HOOK2: variants seen among roughly 807,000 people sequenced by gnomAD.
HOOK2 encodes protein Hook homolog 2.
Under a neutral mutation model 111.9 loss-of-function variants are expected in HOOK2, and 108 were observed. That is an observed-to-expected ratio of 0.96 (90% CI 0.83 to 1.13). The LOEUF (loss-of-function observed/expected upper bound fraction) is 1.13, where lower values mean the gene tolerates loss of function less well. Among genes scored for constraint, HOOK2 ranks in the 50% most tolerant of loss-of-function variants. The pLI is 0.00. For missense variants in HOOK2, 978 were observed against 951.3 expected (o/e 1.03, Z -0.37); for synonymous variants, 405 against 394.3 (o/e 1.03, Z -0.32).
chr19:12,792,180 G>A, intron 3 of HOOK2: 2 of 1,586,340 alleles, frequency 1.3e-6, no homozygotes, highest in East Asian at 2.3e-5. Context: ...GGGCTTCGCC[G>A]ACGGCTTTGT....
chr19:12,765,502 C>T (rs975801292), intron 18 of HOOK2, 188 bp downstream of exon 18: 3 of 752,528 alleles, frequency 4.0e-6, no homozygotes, highest in Non-Finnish European at 6.7e-6. Context: ...AATCCCAGCA[C>T]TTTGGGAGGC....
At chr19:12,788,735 G>A (rs999822523) in intron 3 of HOOK2, among the ~76,000 whole-genome samples, 1 of 152,200 alleles carries the variant, frequency 6.6e-6, no homozygotes, top group Non-Finnish European at 1.5e-5. Flanking sequence ...CCCCAACGCT[G>A]CCCGCTGCGC....
At position 12,763,792 on chromosome 19, in the gene HOOK2, AAGTCAT is replaced by A. The variant is rs1322740155; in HGVS notation, c.1828-20_1828-15del. The A allele has an allele frequency of 6.2e-7, 1 of 1,608,830 alleles. No homozygotes were observed. The highest frequency in any genetic ancestry group is 2.2e-5 in the East Asian group (1 of 44,850). Reference sequence around the variant, plus strand: ...GGTCTGCATGACCTACAGGTTGAGGAAGTCATAGCCAGGTGACTTTGGCCTTGAAAC... The same window carrying A: ...GGTCTGCATGACCTACAGGTTGAGGAAGCCAGGTGACTTTGGCCTTGAAAC... On this transcript the variant is annotated splice_polypyrimidine_tract_variant and intron_variant, in intron 20 of 22. Transcript: ENST00000397668.
intron 20 of HOOK2, among the ~76,000 whole-genome samples, 153 bp from the exon 21 acceptor site, chr19:12,763,931 A>G (rs1422748701): frequency 1.3e-5 from 2 of 152,182 alleles, no homozygotes; most frequent in Admixed American, 6.5e-5. Flanking sequence ...GCATCAAGCA[A>G]TTCTCCTGCC....
At chr19:12,764,758 G>A (rs1297165742) in intron 20 of HOOK2, 56 bp downstream of exon 20, 2 of 1,469,418 alleles carry the variant, frequency 1.4e-6, no homozygotes, top group East Asian at 2.3e-5. Context: ...TCAATAGGAG[G>A]CACAAAAAGT....
At position 12,769,901 on chromosome 19, in the gene HOOK2, G is replaced by C; in HGVS notation, c.1084C>G (p.Leu362Val). ...LRRAGSLRAQ[L>V]EAQRRQVQEL... ...CGCACCTGCCGCCGCTGCGCCTCCA[G>C]CTGGGCGCGCAGGGAGCCCGCTCGG... Residue 362 changes from leucine to valine, a missense_variant, in exon 11 of 23, where the codon CTG becomes GTG. Transcript: ENST00000397668. 6.7e-7 allele frequency: 1 copy of C among 1,496,192 alleles called. No individual in the cohort carries two copies. The highest frequency in any genetic ancestry group is 8.8e-7 in the Non-Finnish European group (1 of 1,131,808). 92.7% of individuals were successfully genotyped at this position (1,496,192 alleles called of 1,614,324 possible). A position where few individuals can be genotyped will look rare whatever the true frequency, so the allele number is the denominator to read the frequency against.
Position 12,763,363 on chromosome 19 carries a change from C to T in HOOK2, c.2079G>A (p.Gln693=). ...APAHAQSFLA[Q]QRLATNSRRG... ...GGCGAGAATTGGTTGCCAGCCGCTG[C>T]TGTGCCAGGAATGACTGGGCATGGG... Residue 693 remains glutamine, a synonymous_variant, in exon 23 of 23, where the codon CAG becomes CAA. Coordinates refer to ENST00000397668, the MANE Select transcript of HOOK2 (RefSeq NM_013312.3). 1 of 1,614,194 alleles carries T rather than the reference C, an allele frequency of 6.2e-7. No individual in the cohort carries two copies. Among genetic ancestry groups the T allele is most frequent in the Non-Finnish European group, 8.5e-7 (1 of 1,180,046 alleles).
At chr19:12,777,578 G>A (rs903087159), upstream of HOOK2, among the ~76,000 whole-genome samples, 1 of 152,236 alleles carries the variant, frequency 6.6e-6, no homozygotes, top group African/African-American at 2.4e-5. Flanking sequence ...AGGTCAGTTA[G>A]ACACACATGT....
At chr19:12,789,899 C>A (rs1265520141) in intron 3 of HOOK2, among the ~76,000 whole-genome samples, 1 of 152,134 alleles carries the variant, frequency 6.6e-6, no homozygotes, top group Non-Finnish European at 1.5e-5. Context: ...GGGTTCCCCG[C>A]TTCTGGCTCG....
At chr19:12,775,847 T>C (rs1968491654), upstream of HOOK2, among the ~76,000 whole-genome samples, 1 of 150,418 alleles carries the variant, frequency 6.6e-6, no homozygotes, top group African/African-American at 2.5e-5. Flanking sequence ...CGCATTCACG[T>C]CTTTTCCCTG....
In HOOK2 at chr19:12,763,336, A is replaced by G. The variant is rs764279013; in HGVS notation, c.2106T>C (p.Arg702=). The G allele has an allele frequency of 6.2e-7, 1 of 1,614,158 alleles. No individual in the cohort carries two copies. Among genetic ancestry groups the G allele is most frequent in the Non-Finnish European group, 8.5e-7 (1 of 1,180,044 alleles). The part of the protein sequence containing the change: ...AQQRLATNSR[R]GPLGRLASLN... ...GAGATGCCAGGCGTCCCAAGGGTCC[A>G]CGGCGAGAATTGGTTGCCAGCCGCT... The change falls in exon 23 of 23, where the codon CGT becomes CGC. Residue 702 remains arginine, a synonymous_variant. Transcript: ENST00000397668.
upstream of HOOK2, among the ~76,000 whole-genome samples, chr19:12,778,867 G>A (rs575136070): frequency 1.1e-4 from 16 of 152,288 alleles, no homozygotes; most frequent in African/African-American, 3.8e-4. Context: ...CGGCGGCAGG[G>A]AGTCCCACAT....
In HOOK2 at chr19:12,772,799, G is replaced by A. The variant is rs1387845299; in HGVS notation, c.369C>T (p.Ile123=). ...KLLQLVLGCA[I]SCEKKQDHIQ... ...CCATACCCTGCTTTTTCTCGCAACT[G>A]ATGGCACAGCCCAGCACCAGCTGAA... is the stretch of plus-strand genomic sequence containing the variant. The change falls in exon 5 of 23, where the codon ATC becomes ATT. Residue 123 remains isoleucine, a synonymous_variant. Transcript: ENST00000397668. The A allele has an allele frequency of 6.2e-7, 1 of 1,614,056 alleles. No individual in the cohort carries two copies. Among genetic ancestry groups the A allele is most frequent in the Admixed American group, 1.7e-5 (1 of 60,004 alleles).
intron 16 of HOOK2, 32 bp downstream of exon 16, chr19:12,765,895 G>A: frequency 6.2e-7 from 1 of 1,612,856 alleles, no homozygotes; most frequent in Non-Finnish European, 8.5e-7. Context: ...CACAAGGGAG[G>A]GCCAGGCTGG....
chr19:12,776,391 T>A (rs370082746), upstream of HOOK2, among the ~76,000 whole-genome samples: 2 of 149,750 alleles, frequency 1.3e-5, no homozygotes, highest in Non-Finnish European at 3.0e-5. Flanking sequence ...TCAAAAAATT[T>A]AAAAATTACC....
rs1968698921 is a variant in HOOK2, at chr19:12,790,318, CG to C, written n.42-16094del. Among the ~76,000 whole-genome samples, 2 of 152,158 alleles carry C rather than the reference CG, an allele frequency of 1.3e-5. No homozygotes were observed. ...GGAGACAGGGCCGGGCTCCTTCCCC[CG>C]GGGCTGTTGCCACACTTCCTGCCTC... On this transcript the variant is annotated intron_variant and non_coding_transcript_variant, in intron 3 of 3. Coordinates refer to the HOOK2 transcript ENST00000589765. The surrounding 1 kb of genome is among the most constrained non-coding windows in gnomAD (Gnocchi z 7.2).
At chr19:12,776,791 T>C (rs923704935), upstream of HOOK2, among the ~76,000 whole-genome samples, 5 of 151,384 alleles carry the variant, frequency 3.3e-5, no homozygotes, top group African/African-American at 9.7e-5. Flanking sequence ...GAGACTGCAG[T>C]GAGCCGTGAT....
intron 3 of HOOK2, among the ~76,000 whole-genome samples, chr19:12,788,787 TG>T (rs1968678384): frequency 1.3e-5 from 2 of 152,106 alleles, no homozygotes; most frequent in Admixed American, 1.3e-4. Flanking sequence ...GTTATTAGCC[TG>T]GGCGGGAGAC....
At chr19:12,772,355 C>T in intron 6 of HOOK2, 103 bp from the exon 7 acceptor site, 1 of 1,304,186 alleles carries the variant, frequency 7.7e-7, no homozygotes, top group Non-Finnish European at 1.1e-6. Flanking sequence ...CCGTCAAGGC[C>T]AGTTCTGCCC....
Sources: gnomAD v4.1 joint callset for allele counts (sites outside exome capture counted in the v4.1 genomes callset) on GRCh38, gnomAD v4.1.1 for gene constraint, Gnocchi (gnomAD v3.1) non-coding constraint, MANE v1.5 for transcripts, NCBI Gene and HGNC (gene_info 2026-07-23, HGNC 2026-07-21) for gene names.